The following ACO2 variants were observed in gnomAD, a reference collection of about 807,000 sequenced individuals.
ACO2 encodes aconitate hydratase, mitochondrial.
A neutral mutation model predicts 84.5 loss-of-function variants in ACO2; 31 were observed. The ratio of observed to expected loss-of-function variants is 0.37; its 90% CI spans 0.28 to 0.50. The LOEUF (loss-of-function observed/expected upper bound fraction) is 0.50, where lower values mean the gene tolerates loss of function less well. ACO2 is among the 20% of genes least tolerant of loss of function. The probability of loss-of-function intolerance (pLI) is 0.97; values close to 1 mark genes in which losing one functional copy is unlikely to be tolerated. For missense variants in ACO2, 685 were observed against 1,029.3 expected, an observed-to-expected ratio of 0.67 and a Z score of 4.58; for synonymous variants, 414 against 412.7, an observed-to-expected ratio of 1.00 and a Z score of -0.04.
intron 1 of ACO2, among the ~76,000 whole-genome samples, chr22:41,485,182 A>G (rs1468741572): frequency 6.6e-6 from 1 of 152,014 alleles, no homozygotes; most frequent in Non-Finnish European, 1.5e-5. Context: ...AGGTTAAGTT[A>G]TCTTCACTGT....
At chr22:41,495,491 G>A (rs1028695948) in intron 1 of ACO2, among the ~76,000 whole-genome samples, 3 of 152,134 alleles carry the variant, frequency 2.0e-5, no homozygotes, top group African/African-American at 7.2e-5. Flanking sequence ...TTGATAAGTA[G>A]TCTGTAGTTT....
At chr22:41,470,384 T>G (rs949486305) in intron 1 of ACO2, among the ~76,000 whole-genome samples, 1 of 152,162 alleles carries the variant, frequency 6.6e-6, no homozygotes, top group African/African-American at 2.4e-5. Context: ...TTGCTTAAAT[T>G]TAAACTTGAA....
At chr22:41,508,984 C>G (rs2066414622) in intron 3 of ACO2, among the ~76,000 whole-genome samples, 1 of 152,250 alleles carries the variant, frequency 6.6e-6, no homozygotes, top group Admixed American at 6.5e-5. Context: ...CAGACCCTCT[C>G]TTCCACCCTG....
intron 2 of ACO2, among the ~76,000 whole-genome samples, chr22:41,501,177 T>A (rs984624780): frequency 6.6e-6 from 1 of 152,108 alleles, no homozygotes; most frequent in South Asian, 2.1e-4. Flanking sequence ...CTACTTTTTT[T>A]ATTTTTTGTA....
intron 1 of ACO2, among the ~76,000 whole-genome samples, chr22:41,480,490 G>C (rs1410570995): frequency 6.6e-6 from 1 of 152,080 alleles, no homozygotes; most frequent in African/African-American, 2.4e-5. Flanking sequence ...TTGGTGGCTG[G>C]GGAGGGAGAA....
At chr22:41,480,255 T>G (rs2038071522) in intron 1 of ACO2, among the ~76,000 whole-genome samples, 2 of 152,200 alleles carry the variant, frequency 1.3e-5, no homozygotes, top group Admixed American at 1.3e-4. Flanking sequence ...CAGGAAGGGC[T>G]AGGCAGTTAG....
rs2066566266 is a variant in ACO2, at chr22:41,524,925, A to T, written c.1562A>T (p.Lys521Met). 3 of 1,614,174 alleles carry T rather than the reference A, an allele frequency of 1.9e-6. No individual in the cohort carries two copies. Among genetic ancestry groups the T allele is most frequent in the Non-Finnish European group, 2.5e-6 (3 of 1,180,026 alleles). ...TDYLTGTDGK[K>M]FRLEAPDADE... ...TACCTGACGGGCACGGATGGCAAGA[A>T]GTTCAGGCTGGAGGCTCCGGATGCA... The change falls in exon 13 of 18, where the codon AAG (lysine) becomes ATG (methionine). Residue 521 changes from lysine (K) to methionine (M), a missense_variant. This residue lies in a region of ACO2 where 311 missense variants were observed against 441.6 expected (regional missense o/e 0.70). Transcript: ENST00000216254.
At chr22:41,490,248 C>T (rs975428594) in intron 1 of ACO2, among the ~76,000 whole-genome samples, 1 of 152,176 alleles carries the variant, frequency 6.6e-6, no homozygotes, top group Non-Finnish European at 1.5e-5. Flanking sequence ...ATCGCTTAAA[C>T]CCGGGAGGCG....
chr22:41,487,117 C>G (rs1320199487), intron 1 of ACO2, among the ~76,000 whole-genome samples: 4 of 152,194 alleles, frequency 2.6e-5, no homozygotes, highest in African/African-American at 4.8e-5. Flanking sequence ...CTCCTGTCCT[C>G]AGGTGATTCA....
At chr22:41,485,592 C>G (rs112453962) in intron 1 of ACO2, among the ~76,000 whole-genome samples, 6,466 of 152,038 alleles carry the variant, frequency 0.043, 437 homozygotes, top group African/African-American at 0.15. Flanking sequence ...AGGCGCCCAC[C>G]ACCACGCCCG....
chr22:41,507,698 G>A (rs990154816), intron 2 of ACO2, 93 bp from the exon 3 acceptor site: 9 of 1,522,542 alleles, frequency 5.9e-6, no homozygotes, highest in Non-Finnish European at 8.0e-6. Context: ...CCTGGCCACT[G>A]TTGAGGTTGC....
intron 9 of ACO2, among the ~76,000 whole-genome samples, chr22:41,522,177 A>G (rs1451378738): frequency 6.6e-6 from 1 of 152,188 alleles, no homozygotes; most frequent in Non-Finnish European, 1.5e-5. Context: ...AAAACAATTT[A>G]TTGAATTAGC....
In ACO2 at chr22:41,498,836, G is replaced by A. The variant is rs1451530589; in HGVS notation, c.37-890G>A. On this transcript the variant is annotated intron_variant, in intron 1 of 17. Transcript: ENST00000216254. Reference sequence around the variant, plus strand: ...TGGCTGGGCACGGTGGCTCATGCCTGTAATCCCAGCACTTTGGGAGGCCGA... The same window carrying A: ...TGGCTGGGCACGGTGGCTCATGCCTATAATCCCAGCACTTTGGGAGGCCGA... 2.0e-5 allele frequency among the ~76,000 whole-genome samples: 3 copies of A among 152,302 alleles called. No individual in the cohort carries two copies. The East Asian group carries it at 5.8e-4, about 29-fold the overall frequency.
rs1312981177 is a variant in ACO2, at chr22:41,507,896, G to A, written c.279G>A (p.Pro93=). ...ERGKSYLRLR[P]DRVAMQDATA... is the part of the protein sequence containing the mutation. ...GCAAGTCGTACCTGCGGCTGCGGCCGGACCGTGTGGCCATGCAGGATGCGA... is the reference window on the plus strand; with the variant it reads ...GCAAGTCGTACCTGCGGCTGCGGCCAGACCGTGTGGCCATGCAGGATGCGA... The change falls in exon 3 of 18, where the codon CCG becomes CCA. Residue 93 remains proline, a synonymous_variant. Coordinates refer to ENST00000216254, the MANE Select transcript of ACO2 (RefSeq NM_001098.3). The A allele has an allele frequency of 9.3e-6, 15 of 1,614,080 alleles. No individual in the cohort carries two copies. The highest frequency in any genetic ancestry group is 4.0e-5 in the African/African-American group (3 of 74,922).
intron 1 of ACO2, among the ~76,000 whole-genome samples, chr22:41,472,111 T>TTG (rs1487389325): frequency 1.1e-4 from 17 of 152,060 alleles, no homozygotes; most frequent in African/African-American, 4.1e-4. Context: ...TCCCAGCACT[T>TTG]TGGGAGGCCA....
At chr22:41,473,797 C>A (rs947981571) in intron 1 of ACO2, among the ~76,000 whole-genome samples, 5 of 152,112 alleles carry the variant, frequency 3.3e-5, no homozygotes, top group Admixed American at 6.6e-5. Context: ...TTGGAGGAGA[C>A]TTCAAATAGA....
chr22:41,489,224 T>C (rs1241104524), intron 1 of ACO2, among the ~76,000 whole-genome samples: 1 of 152,186 alleles, frequency 6.6e-6, no homozygotes, highest in Non-Finnish European at 1.5e-5. Flanking sequence ...GTTTATCCTT[T>C]GTGGAGACAG....
At chr22:41,528,207 CGGGG>C in intron 17 of ACO2, 185 bp downstream of exon 17, 1 of 973,724 alleles carries the variant, frequency 1.0e-6, no homozygotes, top group African/African-American at 1.6e-5. Context: ...GGAGTCAACC[CGGGG>C]CCCTCACACC....
At chr22:41,502,637 C>T (rs2146109268) in intron 2 of ACO2, among the ~76,000 whole-genome samples, 1 of 152,308 alleles carries the variant, frequency 6.6e-6, no homozygotes, top group East Asian at 1.9e-4. Flanking sequence ...TAGACTGAGC[C>T]TCACTCTGTC....
Sources: gnomAD v4.1 joint callset for allele counts (sites outside exome capture counted in the v4.1 genomes callset) on GRCh38, gnomAD v4.1.1 for gene constraint, gnomAD v4.1.1 regional missense constraint, MANE v1.5 for transcripts, NCBI Gene and HGNC (gene_info 2026-07-23, HGNC 2026-07-21) for gene names.